Variants in OSBPL10 observed in about 807,000 individuals in gnomAD.
OSBPL10 encodes the protein oxysterol-binding protein-related protein 10.
OSBPL10 carries 49 observed loss-of-function variants against 81.7 expected under a neutral mutation model. That is an observed-to-expected ratio of 0.60 (90% CI 0.48 to 0.76). The LOEUF is 0.76. OSBPL10 is among the 30% of genes least tolerant of loss of function. The pLI is 0.00. For synonymous variants in OSBPL10, 419 were observed against 383.6 expected (o/e 1.09, Z -1.08); for missense variants, 923 against 987.8 (o/e 0.93, Z 0.88).
chr3:31,783,142 T>TACAC (rs1202222642), intron 4 of OSBPL10, among the ~76,000 whole-genome samples: 222 of 93,848 alleles, frequency 2.4e-3, no homozygotes, highest in African/African-American at 8.4e-3. Context: ...TATATATATA[T>TACAC]ATATACACAC....
chr3:31,728,605 C>T (rs1205182842), intron 6 of OSBPL10, among the ~76,000 whole-genome samples: 1 of 152,184 alleles, frequency 6.6e-6, no homozygotes, highest in Non-Finnish European at 1.5e-5. Context: ...GAATGATTCA[C>T]ATAACATGGA....
rs146056634 is a variant in OSBPL10, at chr3:31,871,863, A to AACAC, written c.537+4566_537+4569dup. Among the ~76,000 whole-genome samples, 3 of 151,780 alleles carry AACAC rather than the reference A, an allele frequency of 2.0e-5. No individual in the cohort carries two copies. In the East Asian group the frequency reaches 5.8e-4, roughly 29 times the overall value. On this transcript the variant is annotated intron_variant, in intron 3 of 11. Transcript: ENST00000396556. ...GCAACAGAATGAGACCCTGTCTCAA[A>AACAC]ACACACACACACACATGCACACGCA...
intron 3 of OSBPL10, among the ~76,000 whole-genome samples, chr3:31,842,011 C>G (rs561061366): frequency 2.0e-5 from 3 of 152,254 alleles, no homozygotes; most frequent in East Asian, 3.9e-4. Context: ...TCAGGCTGCC[C>G]TCTTCTTTAA....
intron 1 of OSBPL10, among the ~76,000 whole-genome samples, chr3:31,880,050 C>A (rs781480274): frequency 7.2e-5 from 11 of 152,206 alleles, no homozygotes; most frequent in Non-Finnish European, 1.5e-4. Context: ...CACTTGTGGG[C>A]AAGGGCCAGG....
At chr3:31,823,983 C>T (rs7647744) in intron 4 of OSBPL10, among the ~76,000 whole-genome samples, 3,192 of 152,110 alleles carry the variant, frequency 0.021, 106 homozygotes, top group African/African-American at 0.074. Flanking sequence ...TCCCAAGTAG[C>T]TGGAACCACA....
At chr3:31,819,063 C>T (rs1341415495) in intron 4 of OSBPL10, among the ~76,000 whole-genome samples, 2 of 152,244 alleles carry the variant, frequency 1.3e-5, no homozygotes, top group Non-Finnish European at 2.9e-5. Context: ...AGATAGGACA[C>T]ATCTACTTAG....
At chr3:31,989,294 A>G (rs1244109545) in intron 2 of OSBPL10, 3 of 1,614,100 alleles carry the variant, frequency 1.9e-6, no homozygotes, top group African/African-American at 2.7e-5. Context: ...TGCATGATGA[A>G]GAAGTTCTCA....
intron 1 of OSBPL10, among the ~76,000 whole-genome samples, chr3:31,936,866 G>A (rs1697391950): frequency 6.6e-6 from 1 of 152,142 alleles, no homozygotes; most frequent in African/African-American, 2.4e-5. Flanking sequence ...ATCACACCGT[G>A]TAACCAAGGC....
chr3:32,005,110 T>G (rs7646754), intron 2 of OSBPL10, among the ~76,000 whole-genome samples: 55,721 of 151,886 alleles, frequency 0.37, 12,260 homozygotes, highest in East Asian at 0.7. Context: ...TGCAGAACGT[T>G]CAGGTTTGTT....
chr3:31,823,844 ATGTGTG>A (rs10588069), intron 4 of OSBPL10, among the ~76,000 whole-genome samples: 3 of 148,306 alleles, frequency 2.0e-5, no homozygotes, highest in Non-Finnish European at 4.5e-5. Flanking sequence ...GTATGTGTGT[ATGTGTG>A]TGTGTGTGTG....
intron 4 of OSBPL10, among the ~76,000 whole-genome samples, chr3:31,778,831 C>T (rs556186658): frequency 1.3e-5 from 2 of 152,182 alleles, no homozygotes; most frequent in South Asian, 4.2e-4. Flanking sequence ...ATCAGGTAAC[C>T]TATAAAGGAA....
At position 31,990,737 on chromosome 3, in the gene OSBPL10, A is replaced by G. The variant is rs749034796; in HGVS notation, n.298+55754T>C. The G allele has an allele frequency of 6.2e-6, 10 of 1,613,900 alleles. No individual in the cohort carries two copies. The Admixed American group carries it at 1.5e-4, about 24-fold the overall frequency. On this transcript the variant is annotated intron_variant and non_coding_transcript_variant, in intron 2 of 3. Transcript: ENST00000479173. ...ACAGTTTTCAGTCGCAAATCACACC[A>G]TGAAACACATAAGAGAATTCATACT... is the stretch of plus-strand genomic sequence containing the variant.
intron 4 of OSBPL10, among the ~76,000 whole-genome samples, chr3:31,826,424 A>G (rs1700101644): frequency 6.6e-6 from 1 of 152,152 alleles, no homozygotes; most frequent in African/African-American, 2.4e-5. Flanking sequence ...CTGGGTTCCG[A>G]CCTTTGGTAT....
At chr3:31,768,411 C>T (rs1651695233) in intron 4 of OSBPL10, among the ~76,000 whole-genome samples, 1 of 152,124 alleles carries the variant, frequency 6.6e-6, no homozygotes, top group Non-Finnish European at 1.5e-5. Context: ...TCCTTCAGTT[C>T]AGAAAATAAT....
chr3:32,014,690 G>C (rs1699296852), intron 2 of OSBPL10, among the ~76,000 whole-genome samples: 1 of 152,166 alleles, frequency 6.6e-6, no homozygotes, highest in Non-Finnish European at 1.5e-5. Flanking sequence ...TGTATATCTA[G>C]AAAACCCCTT....
intron 8 of OSBPL10, among the ~76,000 whole-genome samples, chr3:31,672,973 A>G (rs1255504957): frequency 6.6e-6 from 1 of 152,120 alleles, no homozygotes; most frequent in Non-Finnish European, 1.5e-5. Flanking sequence ...AGTCCACTAC[A>G]CCAAATACAC....
intron 6 of OSBPL10, chr3:31,709,124 G>T: frequency 6.3e-6 from 5 of 788,904 alleles, no homozygotes; most frequent in Non-Finnish European, 7.7e-6. Flanking sequence ...TCTTATCCTT[G>T]ACAGGTCCAA....
chr3:31,678,110 A>AG (rs1348251246), intron 8 of OSBPL10, among the ~76,000 whole-genome samples: 4 of 139,916 alleles, frequency 2.9e-5, no homozygotes, highest in Admixed American at 1.4e-4. Flanking sequence ...AAAAAAAAAG[A>AG]CAGAGCAAAG....
intron 1 of OSBPL10, among the ~76,000 whole-genome samples, chr3:31,919,026 T>C (rs1696835257): frequency 6.6e-6 from 1 of 152,128 alleles, no homozygotes; most frequent in South Asian, 2.1e-4. Flanking sequence ...TCACACCCTA[T>C]GTCAAACATC....
Sources: allele counts gnomAD v4.1 joint callset (sites outside exome capture counted in the v4.1 genomes callset), GRCh38; gene constraint gnomAD v4.1.1; transcripts MANE v1.5; gene names NCBI Gene and HGNC (gene_info 2026-07-23, HGNC 2026-07-21).